BBOX1: variants seen among roughly 807,000 people sequenced by gnomAD.
The protein encoded by BBOX1 is gamma-butyrobetaine dioxygenase.
BBOX1 carries 35 observed loss-of-function variants against 41.6 expected under a neutral mutation model. The observed-to-expected ratio is 0.84, with a 90% CI of 0.64 to 1.11. The LOEUF (loss-of-function observed/expected upper bound fraction) is 1.11, where lower values mean the gene tolerates loss of function less well. BBOX1 is among the 50% of genes most tolerant of loss of function. The pLI is 0.00. For synonymous variants in BBOX1, 163 were observed against 154.7 expected (o/e 1.05, Z -0.40); for missense variants, 458 against 460.6 (o/e 0.99, Z 0.05).
At chr11:27,055,290 A>C in intron 2 of BBOX1, 103 bp from the exon 3 acceptor site, 1 of 696,536 alleles carries the variant, frequency 1.4e-6, no homozygotes, top group South Asian at 2.1e-5. Context: ...CTGACAGCTG[A>C]GTGAATAGCA....
rs113827523 is a variant in BBOX1 at position 27,079,115 on chromosome 11, A to G, written c.335-14053A>G. Reference sequence around the variant, plus strand: ...TATCTTATGTTTGAGCTCCCCTTACATGAAGAACAATCATGTTCTATTCCT... The same window carrying G: ...TATCTTATGTTTGAGCTCCCCTTACGTGAAGAACAATCATGTTCTATTCCT... On this transcript the variant is annotated intron_variant, in intron 4 of 8. Transcript: ENST00000263182. Among the ~76,000 whole-genome samples the G allele has an allele frequency of 4.1e-3, 627 of 152,294 alleles. 7 individuals carry two copies. The highest frequency in any genetic ancestry group is 0.014 in the African/African-American group (575 of 41,578).
chr11:27,080,857 A>G (rs1263324179), intron 4 of BBOX1, among the ~76,000 whole-genome samples: 1 of 152,164 alleles, frequency 6.6e-6, no homozygotes, highest in Non-Finnish European at 1.5e-5. Flanking sequence ...AGTCATCCTC[A>G]TGTGTTTTCC....
Position 27,097,638 on chromosome 11 carries a change from G to C in BBOX1, c.533+4272G>C, listed in dbSNP as rs1295929534. Among the ~76,000 whole-genome samples, 3 of 151,986 alleles carry C rather than the reference G, an allele frequency of 2.0e-5. No homozygotes were observed. The East Asian group carries it at 5.8e-4, about 29-fold the overall frequency. On this transcript the variant is annotated intron_variant, in intron 5 of 8. Transcript: ENST00000263182. ...GCCAATAAAAATTCCATAAAGCGAA[G>C]GAACAGACTGAAAAGTAACCCCGGA...
intron 6 of BBOX1, among the ~76,000 whole-genome samples, chr11:27,118,193 A>C (rs1024135586): frequency 1.6e-4 from 24 of 152,050 alleles, no homozygotes; most frequent in African/African-American, 5.6e-4. Context: ...AAAGAAGTGC[A>C]ACAAACCTGT....
intron 2 of BBOX1, among the ~76,000 whole-genome samples, chr11:27,044,117 C>T (rs1318333273): frequency 6.6e-6 from 1 of 152,050 alleles, no homozygotes; most frequent in Non-Finnish European, 1.5e-5. Context: ...TGTTTCCTGA[C>T]TTTTTAATGA....
intron 2 of BBOX1, among the ~76,000 whole-genome samples, chr11:27,043,476 T>TTTGGGGTACATGTGCAG (rs1851402599): frequency 2.6e-5 from 4 of 152,132 alleles, no homozygotes; most frequent in Non-Finnish European, 4.4e-5. Flanking sequence ...AATGTGCAGG[T>TTTGGGGTACATGTGCAG]ATACACATGC....
intron 6 of BBOX1, among the ~76,000 whole-genome samples, chr11:27,118,134 C>A (rs1859331898): frequency 6.6e-6 from 1 of 151,954 alleles, no homozygotes; most frequent in Non-Finnish European, 1.5e-5. Context: ...TCAATATTTA[C>A]ACGCACATTG....
At chr11:27,079,547 C>G (rs1857759473) in intron 4 of BBOX1, among the ~76,000 whole-genome samples, 1 of 152,046 alleles carries the variant, frequency 6.6e-6, no homozygotes, top group Non-Finnish European at 1.5e-5. Context: ...GGAAAAATAT[C>G]TAAAGAAAAC....
At chr11:27,118,924 CAA>C (rs11396790) in intron 6 of BBOX1, among the ~76,000 whole-genome samples, 8 of 139,138 alleles carry the variant, frequency 5.7e-5, no homozygotes, top group East Asian at 2.1e-4. Context: ...GTTCCTTCCT[CAA>C]AAAAAAAAAA....
intron 4 of BBOX1, among the ~76,000 whole-genome samples, chr11:27,072,802 CA>C (rs1046687249): frequency 3.9e-5 from 6 of 152,012 alleles, no homozygotes; most frequent in African/African-American, 1.4e-4. Context: ...ACAAACCTGA[CA>C]AAAATAAGAA....
At chr11:27,093,105 G>A in intron 4 of BBOX1, 63 bp from the exon 5 acceptor site, 1 of 1,482,000 alleles carries the variant, frequency 6.7e-7, no homozygotes. Flanking sequence ...CCTTCTCTGA[G>A]GTTATCGTCT....
At chr11:27,053,011 T>C (rs916881098) in intron 2 of BBOX1, among the ~76,000 whole-genome samples, 1 of 152,180 alleles carries the variant, frequency 6.6e-6, no homozygotes, top group Non-Finnish European at 1.5e-5. Context: ...AATTATATCA[T>C]AACTAATCTT....
chr11:27,116,405 T>C (rs1464836222), intron 6 of BBOX1, among the ~76,000 whole-genome samples: 5 of 151,572 alleles, frequency 3.3e-5, no homozygotes, highest in Non-Finnish European at 7.4e-5. Context: ...CAAACCACCA[T>C]GGCACGTGTA....
chr11:27,127,290 T>TAGGTG lies in BBOX1; in HGVS notation c.1004-1_1007dup. The stretch of plus-strand genomic sequence containing the variant: ...TTCATATTGGAAAAAATCTTTTCTT[T>TAGGTG]AGGTGATGTGATTACTTTTGATAAC... On this transcript the variant is annotated splice_region_variant and splice_polypyrimidine_tract_variant and intron_variant, in intron 8 of 8. Transcript: ENST00000263182. The TAGGTG allele has an allele frequency of 6.2e-7, 1 of 1,612,902 alleles. No individual in the cohort carries two copies.
chr11:27,100,161 C>T (rs535688533), intron 5 of BBOX1, among the ~76,000 whole-genome samples: 13 of 152,214 alleles, frequency 8.5e-5, no homozygotes, highest in African/African-American at 2.9e-4. Context: ...TATTTCTCGG[C>T]ATCTCACCCC....
chr11:27,048,118 G>A (rs1339269740), intron 2 of BBOX1, among the ~76,000 whole-genome samples: 2 of 152,014 alleles, frequency 1.3e-5, no homozygotes, highest in Non-Finnish European at 2.9e-5. Flanking sequence ...TTGGGGGGGT[G>A]AGAACACTTG....
intron 2 of BBOX1, among the ~76,000 whole-genome samples, chr11:27,051,379 T>C (rs1320405651): frequency 6.6e-6 from 1 of 152,056 alleles, no homozygotes; most frequent in African/African-American, 2.4e-5. Flanking sequence ...TCTCTGTCAA[T>C]TTTTGGGGAA....
intron 4 of BBOX1, among the ~76,000 whole-genome samples, chr11:27,090,249 T>C (rs1405248846): frequency 6.6e-6 from 1 of 151,912 alleles, no homozygotes; most frequent in Non-Finnish European, 1.5e-5. Flanking sequence ...CTTTCTATTT[T>C]CCATAAGTGT....
chr11:27,058,519 T>C (rs1363190751), intron 4 of BBOX1, among the ~76,000 whole-genome samples: 2 of 152,172 alleles, frequency 1.3e-5, no homozygotes, highest in Non-Finnish European at 2.9e-5. Flanking sequence ...AGGGTAAGTT[T>C]GGAACTTTGT....
Sources: allele counts gnomAD v4.1 joint callset (sites outside exome capture counted in the v4.1 genomes callset), GRCh38; gene constraint gnomAD v4.1.1; transcripts MANE v1.5; gene names NCBI Gene and HGNC (gene_info 2026-07-23, HGNC 2026-07-21).